The following SORCS1 variants were observed in gnomAD, a reference collection of about 807,000 sequenced individuals.
SORCS1 encodes sortilin related VPS10 domain containing receptor 1, also known as VPS10 domain-containing receptor SorCS1.
Under a neutral mutation model 146.1 loss-of-function variants are expected in SORCS1, and 60 were observed. That is an observed-to-expected ratio of 0.41 (90% confidence interval 0.33 to 0.51). The LOEUF (loss-of-function observed/expected upper bound fraction) is 0.51, where lower values mean the gene tolerates loss of function less well. SORCS1 is among the 20% of genes least tolerant of loss of function. The pLI is 0.21. For missense variants in SORCS1, 1,352 were observed against 1,487.6 expected (o/e 0.91, Z 1.50); for synonymous variants, 637 against 584.0 (o/e 1.09, Z -1.31).
intron 3 of SORCS1, among the ~76,000 whole-genome samples, chr10:106,812,156 G>A (rs1947493181): frequency 6.6e-6 from 1 of 151,984 alleles, no homozygotes; most frequent in Non-Finnish European, 1.5e-5. Context: ...GCCCGCCACT[G>A]CATCCTGCTA....
chr10:107,175,725 C>T, the SORCS1 span, among the ~76,000 whole-genome samples: 3 of 152,180 alleles, frequency 2.0e-5, no homozygotes, highest in Admixed American at 6.5e-5. Context: ...GTGTGAGCCA[C>T]CGTGCCCAGC....
intron 2 of SORCS1, among the ~76,000 whole-genome samples, chr10:106,847,652 T>G (rs1949355914): frequency 2.8e-5 from 2 of 70,612 alleles, no homozygotes; most frequent in African/African-American, 9.7e-5. Flanking sequence ...GCTCTTGCTT[T>G]TCTAGTTCTT....
chr10:106,904,860 T>A (rs1040140793), intron 2 of SORCS1, among the ~76,000 whole-genome samples: 1 of 152,164 alleles, frequency 6.6e-6, no homozygotes, highest in East Asian at 1.9e-4. Context: ...AATTACGTAA[T>A]TAAACACATC....
intron 1 of SORCS1, among the ~76,000 whole-genome samples, chr10:107,099,927 T>C (rs952867979): frequency 2.0e-5 from 3 of 152,204 alleles, no homozygotes; most frequent in Non-Finnish European, 2.9e-5. Context: ...ACATGCAGTT[T>C]CAACAGAATG....
intron 6 of SORCS1, among the ~76,000 whole-genome samples, chr10:106,729,439 CTCTCT>C (rs1480891394): frequency 0.016 from 2,060 of 127,522 alleles, 44 homozygotes; most frequent in African/African-American, 0.059. Context: ...AATTCTCTCT[CTCTCT>C]TTTTTTTTTT....
chr10:106,596,395 T>C (rs533654978), intron 24 of SORCS1, among the ~76,000 whole-genome samples: 23 of 152,370 alleles, frequency 1.5e-4, no homozygotes, highest in African/African-American at 4.8e-4. Context: ...TAATTTATTA[T>C]TAATACATCA....
At chr10:107,003,821 G>T (rs73371937) in intron 1 of SORCS1, among the ~76,000 whole-genome samples, 7,430 of 152,100 alleles carry the variant, frequency 0.049, 602 homozygotes, top group African/African-American at 0.17. Flanking sequence ...GAAGAAGGAA[G>T]GGGGCAGGGA....
At chr10:106,617,044 T>A (rs1847415461) in intron 21 of SORCS1, among the ~76,000 whole-genome samples, 1 of 151,592 alleles carries the variant, frequency 6.6e-6, no homozygotes, top group Non-Finnish European at 1.5e-5. Flanking sequence ...AGCCTCTGCC[T>A]CCTGGGTTCA....
intron 3 of SORCS1, among the ~76,000 whole-genome samples, chr10:106,802,034 G>A (rs773840974): frequency 1.8e-4 from 28 of 152,268 alleles, no homozygotes; most frequent in Middle Eastern, 3.4e-3. Context: ...CAAAGTTCAC[G>A]CCATTTGGTC....
chr10:106,701,507 T>C (rs1854137640), intron 8 of SORCS1, among the ~76,000 whole-genome samples: 1 of 152,136 alleles, frequency 6.6e-6, no homozygotes. Context: ...TTTTAAGCAG[T>C]AAGAATAAAA....
chr10:107,085,262 A>G (rs1963673396), intron 1 of SORCS1, among the ~76,000 whole-genome samples: 1 of 152,208 alleles, frequency 6.6e-6, no homozygotes, highest in South Asian at 2.1e-4. Flanking sequence ...TTTTTACAAA[A>G]GCCTGATTCG....
intron 3 of SORCS1, among the ~76,000 whole-genome samples, chr10:106,808,825 T>G (rs1947318081): frequency 6.6e-6 from 1 of 152,206 alleles, no homozygotes. Context: ...AGTTTCTGAA[T>G]GTCTTTTGTT....
Position 107,163,953 on chromosome 10 carries a change from G to T in SORCS1, c.558+16C>A. On this transcript the variant is annotated intron_variant, in intron 1 of 25. Coordinates refer to ENST00000263054, the MANE Select transcript of SORCS1 (RefSeq NM_052918.5). ...CCATCTTTCCACCCCTTTACCCTCAGTCCCATTCTACTCACGCTGCTGTTG... is the reference window on the plus strand; with the variant it reads ...CCATCTTTCCACCCCTTTACCCTCATTCCCATTCTACTCACGCTGCTGTTG... 6.2e-7 allele frequency: 1 copy of T among 1,607,024 alleles called. No individual in the cohort carries two copies. The highest frequency in any genetic ancestry group is 8.5e-7 in the Non-Finnish European group (1 of 1,175,362).
chr10:106,763,566 T>G (rs1338760), intron 4 of SORCS1, among the ~76,000 whole-genome samples: 6 of 152,058 alleles, frequency 3.9e-5, no homozygotes, highest in Admixed American at 2.0e-4. Flanking sequence ...TTCTCACACA[T>G]GCCCTGCTAC....
At chr10:107,034,120 A>T (rs12220840) in intron 1 of SORCS1, among the ~76,000 whole-genome samples, 1 of 151,994 alleles carries the variant, frequency 6.6e-6, no homozygotes, top group African/African-American at 2.4e-5. Context: ...TGATCAATTC[A>T]ACAGGAAAAT....
chr10:106,912,489 G>A (rs1431813160), intron 2 of SORCS1, among the ~76,000 whole-genome samples: 1 of 152,062 alleles, frequency 6.6e-6, no homozygotes, highest in African/African-American at 2.4e-5. Context: ...CATTTCAATA[G>A]GTATCCCAGA....
chr10:106,605,470 A>G (rs1245376866), intron 23 of SORCS1, among the ~76,000 whole-genome samples: 1 of 152,234 alleles, frequency 6.6e-6, no homozygotes, highest in African/African-American at 2.4e-5. Flanking sequence ...TCCATACTTG[A>G]AAAGATTAAA....
At chr10:106,889,318 A>G (rs528048489) in intron 2 of SORCS1, among the ~76,000 whole-genome samples, 2 of 152,136 alleles carry the variant, frequency 1.3e-5, no homozygotes, top group Non-Finnish European at 2.9e-5. Context: ...AAAAACAGAC[A>G]GCAATTGTAG....
At chr10:106,938,390 TTA>T (rs1276328381) in intron 2 of SORCS1, among the ~76,000 whole-genome samples, 1 of 152,132 alleles carries the variant, frequency 6.6e-6, no homozygotes, top group Non-Finnish European at 1.5e-5. Context: ...CTGTAGAGTT[TTA>T]TGTTTGGAGA....
Sources: allele counts gnomAD v4.1 joint callset (sites outside exome capture counted in the v4.1 genomes callset), GRCh38; gene constraint gnomAD v4.1.1; transcripts MANE v1.5; gene names NCBI Gene and HGNC (gene_info 2026-07-23, HGNC 2026-07-21).